Variants in TRIM34 observed in about 807,000 individuals in gnomAD.
The protein encoded by TRIM34 is tripartite motif containing 34.
A neutral mutation model predicts 38.1 loss-of-function variants in TRIM34; 41 were observed. The observed-to-expected ratio is 1.08, with a 90% CI of 0.84 to 1.40. The LOEUF is 1.40. Ranked by LOEUF, TRIM34 falls within the 40% of genes most tolerant of loss-of-function variation. The pLI, the probability that TRIM34 is intolerant of heterozygous loss-of-function variation, is 0.00. For synonymous variants in TRIM34, 200 were observed against 202.5 expected, an observed-to-expected ratio of 0.99 and a Z score of 0.10; for missense variants, 556 against 571.4, an observed-to-expected ratio of 0.97 and a Z score of 0.27.
At position 5,642,461 on chromosome 11, in the gene TRIM34, G is replaced by A. The variant is rs1260783432; in HGVS notation, c.829G>A (p.Val277Ile). 1.4e-5 allele frequency: 22 copies of A among 1,613,868 alleles called. No individual in the cohort carries two copies. The East Asian group carries it at 2.5e-4, about 18-fold the overall frequency. Residue 277 changes from valine (V) to isoleucine (I), a missense_variant, in exon 6 of 8, where the codon GTA (valine) becomes ATA (isoleucine). Coordinates refer to ENST00000429814, the MANE Select transcript of TRIM34 (RefSeq NM_021616.6). The stretch of plus-strand genomic sequence containing the variant: ...AATGGTTTCCAAGAAACTGAAGACT[G>A]TATTCCATGCTCCAGATCTGAGTAG... ...PKMVSKKLKTVFHAPDLSRML... is the reference protein window; with the variant it reads ...PKMVSKKLKTIFHAPDLSRML...
chr11:5,640,591 T>C (rs1254510572), intron 4 of TRIM34, among the ~76,000 whole-genome samples: 4 of 152,198 alleles, frequency 2.6e-5, no homozygotes, highest in Non-Finnish European at 5.9e-5. Context: ...TATTGGTCTA[T>C]GGTTTTCTTT....
intron 5 of TRIM34, 26 bp downstream of exon 5, chr11:5,641,215 G>C (rs2133953806): frequency 1.2e-6 from 2 of 1,613,728 alleles, no homozygotes; most frequent in Non-Finnish European, 1.7e-6. Flanking sequence ...CAGGAGTGGT[G>C]CTTGTGAGTT....
chr11:5,630,641 T>C (rs1849446711), intron 1 of TRIM34, among the ~76,000 whole-genome samples: 1 of 152,240 alleles, frequency 6.6e-6, no homozygotes, highest in Non-Finnish European at 1.5e-5. Flanking sequence ...TGTATTCCTT[T>C]CTCATTATTC....
At chr11:5,630,414 C>CAAGG in intron 1 of TRIM34, among the ~76,000 whole-genome samples, 1 of 152,118 alleles carries the variant, frequency 6.6e-6, no homozygotes, top group Non-Finnish European at 1.5e-5. Context: ...GCCCCCACCT[C>CAAGG]CTATTCATTG....
Position 5,643,185 on chromosome 11 carries a change from G to C in TRIM34, c.943G>C (p.Val315Leu). 1 of 1,584,440 alleles carries C rather than the reference G, an allele frequency of 6.3e-7. No individual in the cohort carries two copies. Among genetic ancestry groups the C allele is most frequent in the Non-Finnish European group, 8.6e-7 (1 of 1,168,750 alleles). Residue 315 changes from valine (V) to leucine (L), a missense_variant, in exon 8 of 8, where the codon GTC (valine) becomes CTC (leucine). Transcript: ENST00000429814. ...LNSVNLNLNLVLSEDQRQVIS... is the reference protein window; with the variant it reads ...LNSVNLNLNLLLSEDQRQVIS... ...TTCAGTCAACCTAAATTTGAATCTT[G>C]TCCTTTCAGAAGATCAGAGACAAGT...
At chr11:5,629,129 T>C in intron 1 of TRIM34, among the ~76,000 whole-genome samples, 1 of 151,900 alleles carries the variant, frequency 6.6e-6, no homozygotes, top group East Asian at 1.9e-4. Flanking sequence ...ATCTAAAAAT[T>C]AGTTGGGCGT....
At chr11:5,639,719 G>T (rs1203909901) in intron 4 of TRIM34, among the ~76,000 whole-genome samples, 4 of 143,830 alleles carry the variant, frequency 2.8e-5, no homozygotes, top group Non-Finnish European at 1.5e-5. Context: ...ATTGGAAGAG[G>T]TTGCCTATAG....
rs552389013 is a variant in TRIM34 at position 5,634,015 on chromosome 11, G to A, written c.519+116G>A. Reference sequence around the variant, plus strand: ...CATGAGTCCTGAAGCCATTTGATTAGTTCTCTTCTCTGTCCTGTCCCTGTT... The same window carrying A: ...CATGAGTCCTGAAGCCATTTGATTAATTCTCTTCTCTGTCCTGTCCCTGTT... On this transcript the variant is annotated intron_variant, in intron 3 of 7. Transcript: ENST00000429814. 28 of 1,107,916 alleles carry A rather than the reference G, an allele frequency of 2.5e-5. No homozygotes were observed. The African/African-American group carries it at 4.4e-4, about 17-fold the overall frequency. The allele number at this position is 1,107,916 out of a possible 1,614,324, so 68.6% of individuals were successfully genotyped here.
intron 2 of TRIM34, among the ~76,000 whole-genome samples, chr11:5,633,555 G>A (rs115380611): frequency 0.017 from 2,584 of 152,258 alleles, 77 homozygotes; most frequent in African/African-American, 0.059. Flanking sequence ...TTTCTGCAGG[G>A]TAAATACTTA....
chr11:5,633,253 G>A lies in TRIM34; in HGVS notation c.423+499G>A, dbSNP rs180975464. 3.5e-3 allele frequency among the ~76,000 whole-genome samples: 515 copies of A among 146,232 alleles called. 4 individuals are homozygous for A. Among genetic ancestry groups the A allele is most frequent in the Middle Eastern group, 7.3e-3 (2 of 274 alleles). ...CCCTTTTCATCCTTCTTTACCCCCT[G>A]TGGAACCATAATTCTGAGTCCCGTG... On this transcript the variant is annotated intron_variant, in intron 2 of 7. Transcript: ENST00000429814.
upstream of TRIM34, among the ~76,000 whole-genome samples, chr11:5,623,036 G>A (rs973648697): frequency 4.6e-5 from 7 of 151,692 alleles, no homozygotes; most frequent in Non-Finnish European, 7.4e-5. Context: ...AAGCAATAGG[G>A]CAAAGGAAGT....
chr11:5,632,734 G>A lies in TRIM34; in HGVS notation c.403G>A (p.Glu135Lys). 6.2e-7 allele frequency: 1 copy of A among 1,606,324 alleles called. No individual in the cohort carries two copies. The highest frequency in any genetic ancestry group is 1.1e-5 in the South Asian group (1 of 90,528). ...HRGHHTVLTE[E>K]VFKECQEKLQ... ...TGGTCACCACACAGTCCTCACGGAG[G>A]AAGTATTCAAGGAATGTCAGGTAGG... Residue 135 changes from glutamate to lysine, a missense_variant, in exon 2 of 8, where the codon GAA becomes AAA. By Grantham distance (56) the Glu-to-Lys change is moderately conservative. Coordinates refer to ENST00000429814, the MANE Select transcript of TRIM34 (RefSeq NM_021616.6).
chr11:5,626,332 C>T (rs1849230255), intron 1 of TRIM34, among the ~76,000 whole-genome samples: 1 of 152,164 alleles, frequency 6.6e-6, no homozygotes, highest in Non-Finnish European at 1.5e-5. Flanking sequence ...TTAGAGTACA[C>T]AAGAAGATGA....
chr11:5,634,530 C>CACATATATATATATATATATATATATAT (rs1491498839), intron 3 of TRIM34, 101 bp from the exon 4 acceptor site: 10 of 203,898 alleles, frequency 4.9e-5, no homozygotes, highest in African/African-American at 3.4e-4. Context: ...CACACACACA[C>CACATATATATATATATATATATATATAT]ATATATATAT....
chr11:5,637,159 C>T lies in TRIM34; in HGVS notation c.750+2298C>T, dbSNP rs576183340. On this transcript the variant is annotated intron_variant, in intron 4 of 7. Transcript: ENST00000429814. ...CTGCACTCCAGCCTGGGCGACAGAGCGAGACTCAGTCTAAAAAAAAAAGAT... is the reference window on the plus strand; with the variant it reads ...CTGCACTCCAGCCTGGGCGACAGAGTGAGACTCAGTCTAAAAAAAAAAGAT... Among the ~76,000 whole-genome samples the T allele has an allele frequency of 1.4e-3, 205 of 150,396 alleles. 1 individual carries two copies. Among genetic ancestry groups the T allele is most frequent in the African/African-American group, 4.6e-3 (190 of 40,992 alleles).
In TRIM34 at chr11:5,637,124, G is replaced by C. The variant is rs575179963; in HGVS notation, c.750+2263G>C. On this transcript the variant is annotated intron_variant, in intron 4 of 7. Transcript: ENST00000429814. ...GGAGGCGGAGCTTGCAGTGAGCCAA[G>C]ATGGCGCCACTGCACTCCAGCCTGG... 2.9e-3 allele frequency among the ~76,000 whole-genome samples: 437 copies of C among 152,206 alleles called. 4 individuals are homozygous for C. Among genetic ancestry groups the C allele is most frequent in the Non-Finnish European group, 1.7e-3 (114 of 68,024 alleles).
Position 5,643,640 on chromosome 11 carries a change from GC to G in TRIM34, c.1400del (p.Pro467LeufsTer15). 6.2e-7 allele frequency: 1 copy of G among 1,613,996 alleles called. No homozygotes were observed. The highest frequency in any genetic ancestry group is 1.3e-5 in the African/African-American group (1 of 74,988). ...YKFSKCCFSQ[P>X]VYPYFNPWNC... ...AGTTCTCTAAATGTTGCTTTTCTCA[GC>G]CTGTTTATCCATATTTCAATCCTTG... is the stretch of plus-strand genomic sequence containing the variant. On this transcript the variant is annotated frameshift_variant, in exon 8 of 8. Transcript: ENST00000429814. LOFTEE classifies it low-confidence loss of function (END_TRUNC).
Position 5,642,971 on chromosome 11 carries a change from T to G in TRIM34, c.901+128T>G, listed in dbSNP as rs551299981. ...CTCCCAAAACATTTGCTAAATACAT[T>G]TCTCCAGTGTTTTACCCCTCCAATT... is the stretch of plus-strand genomic sequence containing the variant. On this transcript the variant is annotated intron_variant, in intron 7 of 7. Transcript: ENST00000429814. 3.0e-5 allele frequency: 42 copies of G among 1,419,880 alleles called. 1 individual carries two copies. The South Asian group carries it at 5.8e-4, about 20-fold the overall frequency. 88.0% of individuals were successfully genotyped at this position (1,419,880 alleles called of 1,614,324 possible).
At position 5,632,692 on chromosome 11, in the gene TRIM34, C is replaced by G. The variant is rs376708057; in HGVS notation, c.361C>G (p.Arg121Gly). The change falls in exon 2 of 8, where the codon CGG becomes GGG. Residue 121 changes from arginine to glycine, a missense_variant. Arg to Gly is a moderately radical substitution (Grantham distance 125). Coordinates refer to ENST00000429814, the MANE Select transcript of TRIM34 (RefSeq NM_021616.6). ...DRKVICWLCE[R>G]SQEHRGHHTV... ...GAAAGTCATTTGCTGGCTTTGTGAG[C>G]GGTCTCAGGAGCACCGTGGTCACCA... The G allele has an allele frequency of 1.4e-5, 22 of 1,611,988 alleles. No homozygotes were observed. In the African/African-American group the frequency reaches 2.7e-4, roughly 20 times the overall value.
Sources: allele counts gnomAD v4.1 joint callset (sites outside exome capture counted in the v4.1 genomes callset), GRCh38; gene constraint gnomAD v4.1.1; transcripts MANE v1.5; gene names NCBI Gene and HGNC (gene_info 2026-07-23, HGNC 2026-07-21).